The following ABHD8 variants were observed in gnomAD, a reference collection of about 807,000 sequenced individuals.
ABHD8 encodes the protein protein ABHD8.
ABHD8 carries 10 observed loss-of-function variants against 29.3 expected under a neutral mutation model. That is an observed-to-expected ratio of 0.34 (90% CI 0.21 to 0.58). The LOEUF is 0.58. ABHD8 is among the 20% of genes least tolerant of loss of function. The pLI is 0.85. For missense variants in ABHD8, 556 were observed against 615.3 expected (o/e 0.90, Z 1.02); for synonymous variants, 282 against 274.6 (o/e 1.03, Z -0.27).
At chr19:17,294,257 T>C (rs143298280) in intron 4 of ABHD8, 31 bp downstream of exon 4, 36 of 1,587,256 alleles carry the variant, frequency 2.3e-5, no homozygotes, top group Admixed American at 8.4e-5. Context: ...TGGGGATTTG[T>C]AGCTGTGGCG....
chr19:17,295,884 A>T lies in ABHD8; in HGVS notation c.762-1039T>A, dbSNP rs535204111. Among the ~76,000 whole-genome samples the T allele has an allele frequency of 2.6e-3, 391 of 152,074 alleles. 1 individual carries two copies. Among genetic ancestry groups the T allele is most frequent in the African/African-American group, 7.2e-3 (299 of 41,464 alleles). ...CACCATGCTCAGCTAATTTTTAAAA[A>T]TTTTTTTATAAAGACAGGGTCTCCT... is the stretch of plus-strand genomic sequence containing the variant. On this transcript the variant is annotated intron_variant, in intron 2 of 4. Coordinates refer to ENST00000247706, the MANE Select transcript of ABHD8 (RefSeq NM_024527.5).
chr19:17,301,171 C>A lies in ABHD8; in HGVS notation c.446G>T (p.Arg149Leu). The change falls in exon 2 of 5, where the codon CGG becomes CTG. Residue 149 changes from arginine (R) to leucine (L), a missense_variant. Coordinates refer to ENST00000247706, the MANE Select transcript of ABHD8 (RefSeq NM_024527.5). The part of the protein sequence containing the change: ...GSGSGSGGRR[R>L]RARRPKRTIH... ...GGTCCTCTTGGGGCGCCTGGCTCGC[C>A]GCCGCCGCCCACCACTGCCACTGCC... is the stretch of plus-strand genomic sequence containing the variant. 1 of 1,607,808 alleles carries A rather than the reference C, an allele frequency of 6.2e-7. No homozygotes were observed. Among genetic ancestry groups the A allele is most frequent in the Non-Finnish European group, 8.5e-7 (1 of 1,179,046 alleles).
chr19:17,295,089 A>ATTT, intron 2 of ABHD8, among the ~76,000 whole-genome samples: 1 of 65,868 alleles, frequency 1.5e-5, no homozygotes, highest in Non-Finnish European at 3.3e-5. Flanking sequence ...ACACCCAGGT[A>ATTT]ATTTTTTTTT....
At chr19:17,296,646 T>A (rs996565089) in intron 2 of ABHD8, 6 of 151,836 alleles carry the variant, frequency 4.0e-5, no homozygotes, top group Non-Finnish European at 8.8e-5. Context: ...TTTGCTTTTT[T>A]AAATACAGTT....
At chr19:17,296,479 A>G (rs1364831885) in intron 2 of ABHD8, 1 of 152,082 alleles carries the variant, frequency 6.6e-6, no homozygotes, top group African/African-American at 2.4e-5. Flanking sequence ...GTTTCCTACT[A>G]TCCCTTCCCT....
At chr19:17,294,557 G>A in intron 3 of ABHD8, 53 bp from the exon 4 acceptor site, 1 of 1,611,004 alleles carries the variant, frequency 6.2e-7, no homozygotes, top group African/African-American at 1.3e-5. Flanking sequence ...CGACTGCCGT[G>A]GGGTGCCCCC....
chr19:17,299,243 C>CCCCCA (rs1555720805), intron 2 of ABHD8, among the ~76,000 whole-genome samples: 4 of 148,642 alleles, frequency 2.7e-5, no homozygotes, highest in African/African-American at 7.5e-5. Context: ...GACCCCCCCC[C>CCCCCA]CATTCTCTAT....
At position 17,301,563 on chromosome 19, in the gene ABHD8, G is replaced by T; in HGVS notation, c.54C>A (p.Pro18=). 1.3e-6 allele frequency: 2 copies of T among 1,597,974 alleles called. No homozygotes were observed. Among genetic ancestry groups the T allele is most frequent in the South Asian group, 1.1e-5 (1 of 90,018 alleles). ...CGCTCTCCAGTGGCCCCACGGCGTT[G>T]GGGGGCGTGCCCAGCAGGCAACAGA... ...GIFCCLLGTP[P]NAVGPLESVE... The change falls in exon 2 of 5, where the codon CCC becomes CCA. Residue 18 remains proline, a synonymous_variant. Coordinates refer to ENST00000247706, the MANE Select transcript of ABHD8 (RefSeq NM_024527.5).
At chr19:17,295,534 G>A (rs1015346285) in intron 2 of ABHD8, among the ~76,000 whole-genome samples, 18 of 152,058 alleles carry the variant, frequency 1.2e-4, no homozygotes, top group Admixed American at 1.3e-4. Context: ...AGCCTCCCGA[G>A]TAGCTGGGAG....
chr19:17,296,138 T>A (rs1202026800), intron 2 of ABHD8: 1 of 152,104 alleles, frequency 6.6e-6, no homozygotes, highest in Non-Finnish European at 1.5e-5. Flanking sequence ...ACCGTGAAAG[T>A]GTGAGTTTGA....
chr19:17,294,887 C>T (rs752970908), intron 2 of ABHD8, 42 bp from the exon 3 acceptor site: 14 of 1,598,590 alleles, frequency 8.8e-6, no homozygotes, highest in East Asian at 2.3e-5. Context: ...TGAAGGGAGG[C>T]GGTCAGCAGG....
chr19:17,294,007 G>T (rs1462365148), intron 4 of ABHD8, among the ~76,000 whole-genome samples: 1 of 152,116 alleles, frequency 6.6e-6, no homozygotes, highest in East Asian at 1.9e-4. Flanking sequence ...CCGCTGTGAG[G>T]AGAGCCTTCT....
In ABHD8 at chr19:17,301,227, G is replaced by A. The variant is rs969801351; in HGVS notation, c.390C>T (p.Arg130=). ...CGCTGCCTGCGCTGCCGGGGGCCAA[G>A]CGGCCATCGCTGCCCGCCGGATCTG... ...ELADPAGSDG[R]LAPGSAGSGS... is the part of the protein sequence containing the mutation. Residue 130 remains arginine (R), a synonymous_variant, in exon 2 of 5, where the codon CGC becomes CGT. Transcript: ENST00000247706. 3.1e-6 allele frequency: 5 copies of A among 1,592,482 alleles called. No individual in the cohort carries two copies. The African/African-American group carries it at 5.4e-5, about 17-fold the overall frequency.
At chr19:17,300,139 C>CAG (rs1477355222) in intron 2 of ABHD8, among the ~76,000 whole-genome samples, 1 of 151,114 alleles carries the variant, frequency 6.6e-6, no homozygotes, top group Admixed American at 6.6e-5. Flanking sequence ...CTTCTGACCT[C>CAG]GTGATCCGCC....
At chr19:17,303,119 G>A (rs2074128763) in intron 1 of ABHD8, 123 bp downstream of exon 1, 1 of 152,288 alleles carries the variant, frequency 6.6e-6, no homozygotes, top group Non-Finnish European at 1.5e-5. Flanking sequence ...CTGCAGCGGG[G>A]TCGAGCCCAC....
rs753588501 is a variant in ABHD8 at position 17,301,410 on chromosome 19, C to T, written c.207G>A (p.Gln69=). 6.2e-7 allele frequency: 1 copy of T among 1,612,096 alleles called. No homozygotes were observed. Among genetic ancestry groups the T allele is most frequent in the Non-Finnish European group, 8.5e-7 (1 of 1,179,884 alleles). The stretch of plus-strand genomic sequence containing the variant: ...AGCGGACCAAGCCGGAGAGGTCCCC[C>T]TGGGCTGCATCCGAGGATGCGGATG... ...PPSSASSDAA[Q]GDLSGLVRCQ... is the part of the protein sequence containing the mutation. The change falls in exon 2 of 5, where the codon CAG becomes CAA. Residue 69 remains glutamine, a synonymous_variant. Transcript: ENST00000247706.
At chr19:17,293,099 T>TTTC (rs752733690) in intron 4 of ABHD8, among the ~76,000 whole-genome samples, 3 of 9,522 alleles carry the variant, frequency 3.2e-4, no homozygotes, top group African/African-American at 1.3e-3. Flanking sequence ...CTTTTCTTTC[T>TTTC]TTTTTTTTTT....
chr19:17,293,759 G>T (rs1452392765), intron 4 of ABHD8, among the ~76,000 whole-genome samples: 1 of 151,360 alleles, frequency 6.6e-6, no homozygotes, highest in East Asian at 2.0e-4. Context: ...AGTGGTGCGA[G>T]CATGGCTCAC....
At chr19:17,299,234 A>ACCCCC (rs34604672) in intron 2 of ABHD8, among the ~76,000 whole-genome samples, 3 of 128,874 alleles carry the variant, frequency 2.3e-5, no homozygotes, top group Non-Finnish European at 4.9e-5. Flanking sequence ...ACATAATGAG[A>ACCCCC]CCCCCCCCCC....
Sources: gnomAD v4.1 joint callset for allele counts (sites outside exome capture counted in the v4.1 genomes callset) on GRCh38, gnomAD v4.1.1 for gene constraint, MANE v1.5 for transcripts, NCBI Gene and HGNC (gene_info 2026-07-23, HGNC 2026-07-21) for gene names.